The following SLC37A3 variants were observed in gnomAD, a reference collection of about 807,000 sequenced individuals.
SLC37A3 encodes sugar phosphate exchanger 3.
Under a neutral mutation model 67.1 loss-of-function variants are expected in SLC37A3, and 51 were observed. That is an observed-to-expected ratio of 0.76 (90% CI 0.61 to 0.96). SLC37A3 has a LOEUF of 0.96. Ranked by LOEUF, SLC37A3 falls within the 40% of genes least tolerant of loss-of-function variation. SLC37A3 has a pLI of 0.00. For missense variants in SLC37A3, 508 were observed against 603.0 expected, an observed-to-expected ratio of 0.84 and a Z score of 1.65; for synonymous variants, 214 against 231.4, an observed-to-expected ratio of 0.92 and a Z score of 0.68.
intron 1 of SLC37A3, among the ~76,000 whole-genome samples, chr7:140,385,762 T>C (rs1450470679): frequency 6.6e-6 from 1 of 152,100 alleles, no homozygotes. Flanking sequence ...ATTGGAAAAG[T>C]AGGCTTTATT....
chr7:140,365,492 A>G (rs6464713), intron 4 of SLC37A3, among the ~76,000 whole-genome samples: 83,215 of 151,934 alleles, frequency 0.55, 22,932 homozygotes, highest in South Asian at 0.63. Flanking sequence ...AGGCCAAGGC[A>G]GGTGGATCAC....
chr7:140,348,741 C>T lies in SLC37A3; in HGVS notation c.909G>A (p.Lys303=), dbSNP rs1209873011. The change falls in exon 10 of 15, where the codon AAG becomes AAA. Residue 303 remains lysine, a synonymous_variant. Transcript: ENST00000326232. ...AGAAGAAGAAGGAGTAATTCACTAACTTCAAGCAGGCGTAGGCCAGTGAGT... is the reference window on the plus strand; with the variant it reads ...AGAAGAAGAAGGAGTAATTCACTAATTTCAAGCAGGCGTAGGCCAGTGAGT... The part of the protein sequence containing the change: ...IPYSLAYACL[K]LVNYSFFFWL... The T allele has an allele frequency of 6.2e-7, 1 of 1,614,186 alleles. No individual in the cohort carries two copies. Among genetic ancestry groups the T allele is most frequent in the African/African-American group, 1.3e-5 (1 of 75,070 alleles).
intron 9 of SLC37A3, among the ~76,000 whole-genome samples, chr7:140,349,336 AG>A (rs991961417): frequency 1.3e-5 from 2 of 152,220 alleles, no homozygotes; most frequent in African/African-American, 4.8e-5. Context: ...AGTTTTCAAA[AG>A]CTCCACATTC....
intron 7 of SLC37A3, among the ~76,000 whole-genome samples, chr7:140,353,352 G>A (rs1290637356): frequency 3.3e-5 from 5 of 151,676 alleles, no homozygotes; most frequent in African/African-American, 7.3e-5. Context: ...GCGTGGTGGC[G>A]TACACCTGTA....
chr7:140,335,273 A>G lies in SLC37A3; in HGVS notation c.*139T>C. The G allele has an allele frequency of 6.2e-7, 1 of 1,614,144 alleles. No homozygotes were observed. The highest frequency in any genetic ancestry group is 8.5e-7 in the Non-Finnish European group (1 of 1,179,998). On this transcript the variant is annotated 3_prime_UTR_variant, in exon 15 of 15. Coordinates refer to ENST00000326232, the MANE Select transcript of SLC37A3 (RefSeq NM_207113.3). Reference sequence around the variant, plus strand: ...AGCCTTCACTGCTGGTCAGCATCTCAGGTGGCTGGCAGTGTTGAGAGACGC... The same window carrying G: ...AGCCTTCACTGCTGGTCAGCATCTCGGGTGGCTGGCAGTGTTGAGAGACGC...
intron 6 of SLC37A3, among the ~76,000 whole-genome samples, chr7:140,356,025 T>C (rs994168088): frequency 6.6e-6 from 1 of 151,640 alleles, no homozygotes; most frequent in Admixed American, 6.6e-5. Context: ...AGAAACCCCA[T>C]CTCTACTAAA....
At chr7:140,385,329 T>C (rs1798408854) in intron 1 of SLC37A3, among the ~76,000 whole-genome samples, 1 of 152,228 alleles carries the variant, frequency 6.6e-6, no homozygotes, top group Admixed American at 6.5e-5. Flanking sequence ...AAACTTCCTG[T>C]CTGTAATTCC....
At chr7:140,361,533 C>CT (rs1236492195) in intron 5 of SLC37A3, among the ~76,000 whole-genome samples, 4 of 69,108 alleles carry the variant, frequency 5.8e-5, no homozygotes, top group Non-Finnish European at 1.2e-4. Context: ...CCCTCCCCCT[C>CT]CCTCTCTCCC....
At chr7:140,365,358 C>T (rs569602905) in intron 4 of SLC37A3, among the ~76,000 whole-genome samples, 9 of 151,678 alleles carry the variant, frequency 5.9e-5, no homozygotes, top group Non-Finnish European at 1.3e-4. Flanking sequence ...ACTTTGGGAG[C>T]GGGGAGAATT....
intron 4 of SLC37A3, 43 bp from the exon 5 acceptor site, chr7:140,364,534 C>T: frequency 1.3e-6 from 2 of 1,576,340 alleles, no homozygotes; most frequent in Non-Finnish European, 1.7e-6. Flanking sequence ...AATAATAACA[C>T]AGTATGAAAA....
At chr7:140,364,378 AAAT>A (rs756802270) in intron 5 of SLC37A3, 27 bp downstream of exon 5, 148 of 1,591,770 alleles carry the variant, frequency 9.3e-5, no homozygotes, top group Admixed American at 5.5e-4. Flanking sequence ...TACCTGACCA[AAAT>A]AATAATAATA....
chr7:140,356,859 G>A (rs1585288736), intron 6 of SLC37A3, among the ~76,000 whole-genome samples: 1 of 152,262 alleles, frequency 6.6e-6, no homozygotes, highest in South Asian at 2.1e-4. Flanking sequence ...GAACCCTTAT[G>A]CTCTGCTGAT....
chr7:140,395,142 C>A (rs888407465), intron 1 of SLC37A3, among the ~76,000 whole-genome samples: 1 of 151,800 alleles, frequency 6.6e-6, no homozygotes, highest in Non-Finnish European at 1.5e-5. Flanking sequence ...CTTTGGGAGG[C>A]CAAGGCAGGT....
chr7:140,335,830 G>A (rs1253523632), intron 14 of SLC37A3, among the ~76,000 whole-genome samples: 1 of 152,186 alleles, frequency 6.6e-6, no homozygotes, highest in Non-Finnish European at 1.5e-5. Flanking sequence ...ACAGTTCCTA[G>A]TATGATCACA....
chr7:140,367,820 CTT>C lies in SLC37A3; in HGVS notation c.291+1768_291+1769del, dbSNP rs34092614. On this transcript the variant is annotated intron_variant, in intron 4 of 14. Transcript: ENST00000326232. ...GCTACCTCTCCAGGATCCCACCTTC[CTT>C]TTTTTTTTTTTTTTTGAGATGGAGT... 7.8e-4 allele frequency among the ~76,000 whole-genome samples: 101 copies of C among 129,956 alleles called. 2 individuals carry two copies. Among genetic ancestry groups the C allele is most frequent in the East Asian group, 6.8e-3 (30 of 4,396 alleles). 85.3% of individuals were successfully genotyped at this position (129,956 alleles called of 152,430 possible).
intron 3 of SLC37A3, among the ~76,000 whole-genome samples, chr7:140,376,494 T>A (rs1798035697): frequency 6.6e-6 from 1 of 152,152 alleles, no homozygotes; most frequent in African/African-American, 2.4e-5. Context: ...TGTATTGTGC[T>A]GGGGGGACTA....
At chr7:140,362,944 G>A (rs1182241805) in intron 5 of SLC37A3, among the ~76,000 whole-genome samples, 1 of 64,644 alleles carries the variant, frequency 1.5e-5, no homozygotes, top group African/African-American at 5.1e-5. Flanking sequence ...GAGGGAGGTG[G>A]CGGGGTCAGC....
intron 13 of SLC37A3, among the ~76,000 whole-genome samples, chr7:140,342,445 C>T (rs1796394614): frequency 6.6e-6 from 1 of 152,156 alleles, no homozygotes; most frequent in African/African-American, 2.4e-5. Context: ...TGCTGCCTTC[C>T]TCTTTCTTTG....
rs964802223 is a variant in SLC37A3, at chr7:140,348,691, T to C, written c.959A>G (p.Asn320Ser). ...FFWLPFYLSNNFGWKEAEADK... is the reference protein window; with the variant it reads ...FFWLPFYLSNSFGWKEAEADK... The stretch of plus-strand genomic sequence containing the variant: ...GGCTTCCGCCTCCTTCCAGCCGAAG[T>C]TGTTACTCAGATAAAAGGGGAGCCA... Residue 320 changes from asparagine (N) to serine (S), a missense_variant, in exon 10 of 15, where the codon AAC (asparagine) becomes AGC (serine). Transcript: ENST00000326232. The C allele has an allele frequency of 8.7e-6, 14 of 1,614,058 alleles. No individual in the cohort carries two copies. The highest frequency in any genetic ancestry group is 1.2e-5 in the Non-Finnish European group (14 of 1,180,032).
Sources: allele counts gnomAD v4.1 joint callset (sites outside exome capture counted in the v4.1 genomes callset), GRCh38; gene constraint gnomAD v4.1.1; transcripts MANE v1.5; gene names NCBI Gene and HGNC (gene_info 2026-07-23, HGNC 2026-07-21).